Variants in NGF observed in about 807,000 individuals in gnomAD.
The protein encoded by NGF is nerve growth factor.
NGF carries 4 observed loss-of-function variants against 12.8 expected under a neutral mutation model. The observed-to-expected ratio is 0.31, with a 90% CI of 0.15 to 0.72. The LOEUF is 0.72. NGF is among the 30% of genes least tolerant of loss of function. The pLI is 0.69. For synonymous variants in NGF, 140 were observed against 130.0 expected (o/e 1.08, Z -0.52); for missense variants, 283 against 330.8 (o/e 0.86, Z 1.12).
intron 2 of NGF, among the ~76,000 whole-genome samples, chr1:115,291,839 T>C (rs190949144): frequency 3.9e-5 from 6 of 152,326 alleles, no homozygotes; most frequent in Admixed American, 6.5e-5. Flanking sequence ...ACTGGGAGGC[T>C]TGGCAACCAT....
At chr1:115,325,101 T>G (rs1654737487) in intron 1 of NGF, among the ~76,000 whole-genome samples, 1 of 152,134 alleles carries the variant, frequency 6.6e-6, no homozygotes, top group Non-Finnish European at 1.5e-5. Flanking sequence ...CAAGAGGTGA[T>G]AGCAGACCTA....
chr1:115,309,348 G>A (rs1654282797), intron 1 of NGF, among the ~76,000 whole-genome samples: 1 of 152,194 alleles, frequency 6.6e-6, no homozygotes, highest in Non-Finnish European at 1.5e-5. Flanking sequence ...AGTTGAATTA[G>A]GAGATTATGG....
intron 1 of NGF, among the ~76,000 whole-genome samples, chr1:115,333,877 T>A (rs1283967728): frequency 6.6e-6 from 1 of 151,380 alleles, no homozygotes; most frequent in African/African-American, 2.4e-5. Context: ...TCATTTGAAA[T>A]CAGCGCCAAG....
At chr1:115,309,753 C>T (rs4456091) in intron 1 of NGF, among the ~76,000 whole-genome samples, 81,747 of 151,642 alleles carry the variant, frequency 0.54, 23,213 homozygotes, top group Non-Finnish European at 0.64. Context: ...GTTCATGTTC[C>T]TTTGCAGGGA....
chr1:115,320,860 C>T lies in NGF; in HGVS notation c.-137+17344G>A, dbSNP rs184817773. ...TGCTACTTTCTGCTGTGTGATTATC[C>T]GTAGTGTGGCCAATTCCAGGTTAGA... is the stretch of plus-strand genomic sequence containing the variant. On this transcript the variant is annotated intron_variant, in intron 1 of 2. Coordinates refer to ENST00000369512, the MANE Select transcript of NGF (RefSeq NM_002506.3). 3.9e-4 allele frequency among the ~76,000 whole-genome samples: 60 copies of T among 152,284 alleles called. 1 individual carries two copies. The East Asian group carries it at 0.01, about 26-fold the overall frequency.
chr1:115,291,660 C>T (rs1004202044), intron 2 of NGF, among the ~76,000 whole-genome samples: 2 of 152,188 alleles, frequency 1.3e-5, no homozygotes, highest in African/African-American at 2.4e-5. Context: ...TCTGAACCAG[C>T]GATACATTCT....
chr1:115,286,464 G>A lies in NGF; in HGVS notation c.332C>T (p.Ala111Val), dbSNP rs751440257. The A allele has an allele frequency of 3.7e-6, 6 of 1,613,788 alleles. No homozygotes were observed. The highest frequency in any genetic ancestry group is 2.2e-5 in the East Asian group (1 of 44,866). Residue 111 changes from alanine to valine, a missense_variant, in exon 3 of 3, where the codon GCC (alanine) becomes GTC (valine). Physicochemically the swap from Ala to Val is moderately conservative, Grantham distance 64. Transcript: ENST00000369512. The part of the protein sequence containing the change: ...QDLDFEVGGA[A>V]PFNRTHRSKR... The stretch of plus-strand genomic sequence containing the variant: ...GCTCCTGTGAGTCCTGTTGAAGGGG[G>A]CAGCACCACCGACCTCGAAGTCCAG...
chr1:115,333,674 TTTCTTTCTTTCTTTCTTTC>T (rs1383758783), intron 1 of NGF, among the ~76,000 whole-genome samples: 44 of 63,464 alleles, frequency 6.9e-4, no homozygotes, highest in African/African-American at 4.4e-3. Context: ...TCTTTCTTTC[TTTCTTTCTTTCTTTCTTTC>T]TTTCTTTCTT....
Position 115,298,097 on chromosome 1 carries a change from T to A in NGF, c.-136-4347A>T, listed in dbSNP as rs143507891. Among the ~76,000 whole-genome samples the A allele has an allele frequency of 5.0e-3, 764 of 152,352 alleles. 5 individuals carry two copies. The highest frequency in any genetic ancestry group is 0.018 in the African/African-American group (736 of 41,576). On this transcript the variant is annotated intron_variant, in intron 1 of 2. Transcript: ENST00000369512. Reference sequence around the variant, plus strand: ...GCCACAAGAAGGTCTGAAAATATAGTTGACAAACCCTCTGGGGAATGTTGT... The same window carrying A: ...GCCACAAGAAGGTCTGAAAATATAGATGACAAACCCTCTGGGGAATGTTGT...
chr1:115,286,537 C>A lies in NGF; in HGVS notation c.259G>T (p.Val87Leu). 1.2e-6 allele frequency: 2 copies of A among 1,614,220 alleles called. No homozygotes were observed. The highest frequency in any genetic ancestry group is 1.7e-6 in the Non-Finnish European group (2 of 1,180,042). Reference protein sequence around the residue: ...FKKRRLRSPRVLFSTQPPREA... With the variant: ...FKKRRLRSPRLLFSTQPPREA... Reference sequence around the variant, plus strand: ...CGGGGAGGCTGGGTGCTAAACAGCACACGGGGTGAACGGAGTCGCCGCTTT... The same window carrying A: ...CGGGGAGGCTGGGTGCTAAACAGCAAACGGGGTGAACGGAGTCGCCGCTTT... The change falls in exon 3 of 3, where the codon GTG becomes TTG. Residue 87 changes from valine to leucine, a missense_variant. Around this residue, in one of 2 missense-constraint regions of NGF, gnomAD observed 151 missense variants for 141.6 expected, o/e 1.07. Coordinates refer to ENST00000369512, the MANE Select transcript of NGF (RefSeq NM_002506.3).
intron 1 of NGF, among the ~76,000 whole-genome samples, chr1:115,299,451 C>T (rs1167372384): frequency 3.3e-5 from 5 of 152,108 alleles, no homozygotes; most frequent in South Asian, 4.2e-4. Flanking sequence ...TTGTGTGTGG[C>T]GAAACACAAT....
chr1:115,302,093 T>C (rs1326989348), intron 1 of NGF, among the ~76,000 whole-genome samples: 2 of 152,210 alleles, frequency 1.3e-5, no homozygotes, highest in African/African-American at 2.4e-5. Context: ...TGAAAGGAAT[T>C]GAAGACTCTT....
At chr1:115,319,350 GAC>G (rs1052358240) in intron 1 of NGF, among the ~76,000 whole-genome samples, 3 of 152,070 alleles carry the variant, frequency 2.0e-5, no homozygotes, top group African/African-American at 4.8e-5. Flanking sequence ...ATGCACTGCA[GAC>G]ACACACCCAC....
intron 2 of NGF, among the ~76,000 whole-genome samples, chr1:115,287,975 T>C (rs1307781592): frequency 6.6e-6 from 1 of 152,192 alleles, no homozygotes; most frequent in Non-Finnish European, 1.5e-5. Flanking sequence ...CTGTAAAGCT[T>C]CCATAGATCT....
intron 1 of NGF, among the ~76,000 whole-genome samples, chr1:115,337,276 T>TG (rs1655150572): frequency 1.3e-5 from 1 of 74,290 alleles, no homozygotes; most frequent in Non-Finnish European, 2.8e-5. Context: ...TGTTTTTTTT[T>TG]TTTTTTTTTT....
intron 1 of NGF, among the ~76,000 whole-genome samples, chr1:115,314,197 A>G (rs1654409956): frequency 6.6e-6 from 1 of 152,188 alleles, no homozygotes; most frequent in Admixed American, 6.5e-5. Flanking sequence ...TCTGTGACAC[A>G]TGGCGTACCC....
chr1:115,304,147 A>G (rs1415520686), intron 1 of NGF, among the ~76,000 whole-genome samples: 1 of 151,974 alleles, frequency 6.6e-6, no homozygotes, highest in East Asian at 1.9e-4. Flanking sequence ...GAACATTTAT[A>G]TATAGATAGG....
At chr1:115,289,809 T>G (rs1653626885) in intron 2 of NGF, among the ~76,000 whole-genome samples, 1 of 152,188 alleles carries the variant, frequency 6.6e-6, no homozygotes, top group African/African-American at 2.4e-5. Flanking sequence ...CATTCATTCA[T>G]CCACTAGCTC....
At chr1:115,312,221 A>G (rs1387987838) in intron 1 of NGF, among the ~76,000 whole-genome samples, 2 of 152,164 alleles carry the variant, frequency 1.3e-5, no homozygotes, top group African/African-American at 4.8e-5. Context: ...TTTGTGGTTC[A>G]CCGTAATTTT....
Sources: gnomAD v4.1 joint callset for allele counts (sites outside exome capture counted in the v4.1 genomes callset) on GRCh38, gnomAD v4.1.1 for gene constraint, gnomAD v4.1.1 regional missense constraint, MANE v1.5 for transcripts, NCBI Gene and HGNC (gene_info 2026-07-23, HGNC 2026-07-21) for gene names.